Variants in GLIS3 observed in about 807,000 individuals in gnomAD.
GLIS3 encodes zinc finger protein GLIS3.
GLIS3 carries 53 observed loss-of-function variants against 78.6 expected under a neutral mutation model. That is an observed-to-expected ratio of 0.67 (90% CI 0.54 to 0.85). The LOEUF is 0.85. GLIS3 is among the 40% of genes least tolerant of loss of function. The probability of loss-of-function intolerance (pLI) is 0.00; values close to 1 mark genes in which losing one functional copy is unlikely to be tolerated. For missense variants in GLIS3, 1,703 were observed against 1,231.1 expected (o/e 1.38, Z -5.74); for synonymous variants, 684 against 509.9 (o/e 1.34, Z -4.60).
At chr9:4,307,367 G>A (rs1018356109) in intron 4 of GLIS3, among the ~76,000 whole-genome samples, 3 of 151,926 alleles carry the variant, frequency 2.0e-5, no homozygotes, top group East Asian at 3.8e-4. Context: ...CTGTTTATAC[G>A]ACGCTACCGT....
At chr9:3,992,308 A>G (rs1820380397) in intron 4 of GLIS3, among the ~76,000 whole-genome samples, 1 of 152,222 alleles carries the variant, frequency 6.6e-6, no homozygotes, top group Non-Finnish European at 1.5e-5. Context: ...AATGTGAAAG[A>G]AAACTAAAGA....
rs1212254058 is a variant in GLIS3 at position 4,244,470 on chromosome 9, T to A, written c.388+41568A>T. ...GAGTACAAAAAGAAAGCAGGTTGTTTATTCTGAAAACTACATTGGAAAGAG... is the reference window on the plus strand; with the variant it reads ...GAGTACAAAAAGAAAGCAGGTTGTTAATTCTGAAAACTACATTGGAAAGAG... On this transcript the variant is annotated intron_variant, in intron 2 of 10. Coordinates refer to ENST00000381971, the MANE Select transcript of GLIS3 (RefSeq NM_001042413.2). Among the ~76,000 whole-genome samples, 3 of 152,254 alleles carry A rather than the reference T, an allele frequency of 2.0e-5. No individual in the cohort carries two copies. In the East Asian group the frequency reaches 5.8e-4, roughly 29 times the overall value.
rs192113877 is a variant in GLIS3, at chr9:3,825,382, G to A, written c.*2890C>T. Reference sequence around the variant, plus strand: ...ACAACTGACATTTTGATGCAGTTTCGTTAGGGAATTAAGACAATGCAGCCA... The same window carrying A: ...ACAACTGACATTTTGATGCAGTTTCATTAGGGAATTAAGACAATGCAGCCA... On this transcript the variant is annotated 3_prime_UTR_variant, in exon 11 of 11. Coordinates refer to ENST00000381971, the MANE Select transcript of GLIS3 (RefSeq NM_001042413.2). 23 of 152,014 alleles carry A rather than the reference G, an allele frequency of 1.5e-4. No homozygotes were observed. The highest frequency in any genetic ancestry group is 3.8e-4 in the East Asian group (2 of 5,196). The allele number at this position is 152,014 out of a possible 1,614,324, so 9.4% of individuals were successfully genotyped here. A position where few individuals can be genotyped will look rare whatever the true frequency, so the allele number is the denominator to read the frequency against.
chr9:4,098,686 A>G (rs557174895), intron 4 of GLIS3, among the ~76,000 whole-genome samples: 6 of 152,312 alleles, frequency 3.9e-5, no homozygotes, highest in African/African-American at 1.4e-4. Flanking sequence ...CCGTAATATC[A>G]TACTTCTTTA....
At chr9:3,953,268 G>A (rs1190911996) in intron 4 of GLIS3, among the ~76,000 whole-genome samples, 2 of 152,160 alleles carry the variant, frequency 1.3e-5, no homozygotes, top group Admixed American at 6.5e-5. Flanking sequence ...GAGAATATTT[G>A]TCTTGTTTTG....
rs79172781 is a variant in GLIS3 at position 4,002,023 on chromosome 9, T to C, written c.1711-64834A>G. ...GACTCTGTGGATATGTTGCATTACA[T>C]GGTAAAAAGTACGTGGCAGCTGTGA... On this transcript the variant is annotated intron_variant, in intron 4 of 10. Transcript: ENST00000381971. Among the ~76,000 whole-genome samples, 662 of 152,306 alleles carry C rather than the reference T, an allele frequency of 4.3e-3. 6 individuals are homozygous for C. The highest frequency in any genetic ancestry group is 0.015 in the African/African-American group (618 of 41,576).
intron 4 of GLIS3, among the ~76,000 whole-genome samples, chr9:3,964,351 C>T (rs997402632): frequency 3.3e-5 from 5 of 152,114 alleles, no homozygotes; most frequent in Non-Finnish European, 5.9e-5. Context: ...TATTACTGGG[C>T]GTACAAAACA....
intron 2 of GLIS3, among the ~76,000 whole-genome samples, chr9:4,321,128 T>A (rs1017720720): frequency 4.6e-5 from 7 of 151,780 alleles, no homozygotes; most frequent in East Asian, 3.9e-4. Flanking sequence ...CCGCTTTTTT[T>A]AAAATCTCAA....
intron 4 of GLIS3, among the ~76,000 whole-genome samples, chr9:3,960,367 T>C (rs555676318): frequency 3.9e-5 from 6 of 152,320 alleles, no homozygotes; most frequent in Non-Finnish European, 7.4e-5. Flanking sequence ...ACCCAGTTTG[T>C]GGTACTTTGT....
At chr9:4,154,697 T>G (rs1834922927) in intron 2 of GLIS3, among the ~76,000 whole-genome samples, 1 of 152,132 alleles carries the variant, frequency 6.6e-6, no homozygotes, top group Non-Finnish European at 1.5e-5. Flanking sequence ...AACACAATAT[T>G]CTGCCAGTAG....
At chr9:4,169,191 G>T (rs1490640995) in intron 2 of GLIS3, among the ~76,000 whole-genome samples, 1 of 152,148 alleles carries the variant, frequency 6.6e-6, no homozygotes, top group Non-Finnish European at 1.5e-5. Flanking sequence ...TCATAAATGA[G>T]ACCTCTACTG....
chr9:3,914,212 C>CATAG (rs1313559936), intron 6 of GLIS3, among the ~76,000 whole-genome samples: 1 of 152,082 alleles, frequency 6.6e-6, no homozygotes, highest in Non-Finnish European at 1.5e-5. Context: ...ATGGCGTGAT[C>CATAG]ATAGCTCACT....
chr9:4,445,037 T>C, the GLIS3 span, among the ~76,000 whole-genome samples: 1 of 152,226 alleles, frequency 6.6e-6, no homozygotes, highest in East Asian at 1.9e-4. Context: ...ACTAGTTGGT[T>C]GCATTTCATT....
intron 4 of GLIS3, among the ~76,000 whole-genome samples, chr9:3,988,459 G>A (rs1258018944): frequency 6.6e-6 from 1 of 152,158 alleles, no homozygotes; most frequent in Admixed American, 6.5e-5. Flanking sequence ...CTAAATGGAA[G>A]TGAGGTTCCC....
At chr9:4,231,174 G>C (rs1227071798) in intron 2 of GLIS3, among the ~76,000 whole-genome samples, 1 of 152,086 alleles carries the variant, frequency 6.6e-6, no homozygotes, top group African/African-American at 2.4e-5. Flanking sequence ...AAAAAGCAGA[G>C]TAAGAACAGG....
At chr9:4,362,560 G>A in the GLIS3 span, among the ~76,000 whole-genome samples, 1 of 152,188 alleles carries the variant, frequency 6.6e-6, no homozygotes, top group Non-Finnish European at 1.5e-5. Context: ...ATTTTATGAT[G>A]AATTTCCCTC....
intron 2 of GLIS3, among the ~76,000 whole-genome samples, chr9:4,175,059 T>C (rs1458758897): frequency 1.3e-5 from 2 of 152,334 alleles, no homozygotes; most frequent in Admixed American, 1.3e-4. Flanking sequence ...TCAGCACTCC[T>C]TCCTTCTTTT....
intron 2 of GLIS3, among the ~76,000 whole-genome samples, chr9:4,189,969 G>A (rs1818180029): frequency 6.6e-6 from 1 of 151,930 alleles, no homozygotes; most frequent in African/African-American, 2.4e-5. Context: ...TGCAGCTGAG[G>A]GTCCTGTCTG....
chr9:3,949,235 C>G (rs898323963), intron 4 of GLIS3, among the ~76,000 whole-genome samples: 14 of 152,142 alleles, frequency 9.2e-5, no homozygotes, highest in African/African-American at 3.4e-4. Flanking sequence ...GACTGACTAT[C>G]CTAAATTATA....
Sources: allele counts gnomAD v4.1 joint callset (sites outside exome capture counted in the v4.1 genomes callset), GRCh38; gene constraint gnomAD v4.1.1; transcripts MANE v1.5; gene names NCBI Gene and HGNC (gene_info 2026-07-23, HGNC 2026-07-21).